Variants in ACKR3 observed in about 807,000 individuals in gnomAD.
ACKR3 encodes the protein C-X-C chemokine receptor type 7.
A neutral mutation model predicts 22.4 loss-of-function variants in ACKR3; 6 were observed. The ratio of observed to expected loss-of-function variants is 0.27; its 90% CI spans 0.15 to 0.53. ACKR3 has a LOEUF of 0.53. Ranked by LOEUF, ACKR3 falls within the 20% of genes least tolerant of loss-of-function variation. The pLI, the probability that ACKR3 is intolerant of heterozygous loss-of-function variation, is 0.96. For missense variants in ACKR3, 396 were observed against 475.2 expected (o/e 0.83, Z 1.55); for synonymous variants, 209 against 205.2 (o/e 1.02, Z -0.16).
the ACKR3 span, among the ~76,000 whole-genome samples, chr2:236,538,921 G>A: frequency 8.5e-5 from 13 of 152,282 alleles, no homozygotes; most frequent in South Asian, 4.1e-4. Context: ...TCTAGCTCAG[G>A]GCAAAGTAGG....
the ACKR3 span, among the ~76,000 whole-genome samples, chr2:236,552,458 T>C: frequency 6.6e-6 from 1 of 152,234 alleles, no homozygotes. Context: ...TTTTGGTGTC[T>C]GTCCTCCCAG....
At chr2:236,539,607 T>C in the ACKR3 span, among the ~76,000 whole-genome samples, 5 of 152,276 alleles carry the variant, frequency 3.3e-5, no homozygotes, top group Non-Finnish European at 7.4e-5. Flanking sequence ...GCATCCGCCT[T>C]GGCCTCCCAA....
the ACKR3 span, among the ~76,000 whole-genome samples, chr2:236,550,327 C>T: frequency 6.6e-6 from 1 of 152,164 alleles, no homozygotes; most frequent in African/African-American, 2.4e-5. The surrounding 1 kb of genome is among the most constrained non-coding windows in gnomAD (Gnocchi z 4.6). Flanking sequence ...GGCAGGGTAC[C>T]CGGCTGCGCA....
At chr2:236,556,973 C>T in the ACKR3 span, among the ~76,000 whole-genome samples, 1 of 152,316 alleles carries the variant, frequency 6.6e-6, no homozygotes, top group African/African-American at 2.4e-5. Context: ...CAGACATGAG[C>T]CACTGCACCC....
At chr2:236,543,979 A>ACC in the ACKR3 span, among the ~76,000 whole-genome samples, 1 of 59,252 alleles carries the variant, frequency 1.7e-5, no homozygotes, top group East Asian at 5.0e-4. Flanking sequence ...ATATATATAT[A>ACC]TATATATATA....
At chr2:236,544,389 C>CG in the ACKR3 span, among the ~76,000 whole-genome samples, 1 of 152,106 alleles carries the variant, frequency 6.6e-6, no homozygotes, top group Non-Finnish European at 1.5e-5. The surrounding 1 kb of genome is among the most constrained non-coding windows in gnomAD (Gnocchi z 5.0). Context: ...CAGGGGTCAT[C>CG]GTATGATCAG....
At chr2:236,559,445 C>G in the ACKR3 span, among the ~76,000 whole-genome samples, 1 of 152,126 alleles carries the variant, frequency 6.6e-6, no homozygotes, top group Non-Finnish European at 1.5e-5. Flanking sequence ...CTCTGCCTGC[C>G]CCAGGGTAAC....
In ACKR3 at chr2:236,580,968, T is replaced by C. The variant is rs142678508; in HGVS notation, c.503T>C (p.Val168Ala). Residue 168 changes from valine (V) to alanine (A), a missense_variant, in exon 2 of 2, where the codon GTG becomes GCG. Physicochemically the swap from Val to Ala is moderately conservative, Grantham distance 64. Transcript: ENST00000272928. ...KMVRRVVCIL[V>A]WLLAFCVSLP... ...GTACGCCGTGTCGTCTGCATCCTGGTGTGGCTGCTGGCCTTCTGCGTGTCT... is the reference window on the plus strand; with the variant it reads ...GTACGCCGTGTCGTCTGCATCCTGGCGTGGCTGCTGGCCTTCTGCGTGTCT... The C allele has an allele frequency of 3.2e-4, 523 of 1,614,158 alleles. 5 individuals carry two copies. The highest frequency in any genetic ancestry group is 1.8e-3 in the South Asian group (167 of 91,066).
chr2:236,573,170 A>G (rs1691343230), intron 1 of ACKR3, among the ~76,000 whole-genome samples: 1 of 152,078 alleles, frequency 6.6e-6, no homozygotes, highest in South Asian at 2.1e-4. Context: ...AAACACACAG[A>G]CACACAGACA....
At chr2:236,571,045 C>T (rs1485390552) in intron 1 of ACKR3, among the ~76,000 whole-genome samples, 1 of 152,040 alleles carries the variant, frequency 6.6e-6, no homozygotes, top group Non-Finnish European at 1.5e-5. Context: ...TTTTAGTGTC[C>T]CTTTATTTAT....
chr2:236,575,861 G>A (rs543148127), intron 1 of ACKR3, among the ~76,000 whole-genome samples: 1 of 152,106 alleles, frequency 6.6e-6, no homozygotes, highest in Non-Finnish European at 1.5e-5. Context: ...GTGTTTGCTC[G>A]TAAATAAATA....
At chr2:236,565,746 C>T (rs965865792), upstream of ACKR3, among the ~76,000 whole-genome samples, 2 of 152,170 alleles carry the variant, frequency 1.3e-5, no homozygotes, top group Non-Finnish European at 2.9e-5. Flanking sequence ...CCCACCCCTA[C>T]AGTGTGTATA....
chr2:236,571,816 G>T (rs1310610987), intron 1 of ACKR3, among the ~76,000 whole-genome samples: 1 of 152,026 alleles, frequency 6.6e-6, no homozygotes, highest in Non-Finnish European at 1.5e-5. Context: ...GAAAGAAAAA[G>T]ACCTCAAAGA....
chr2:236,569,202 G>C (rs1050698101), upstream of ACKR3, among the ~76,000 whole-genome samples: 1 of 152,202 alleles, frequency 6.6e-6, no homozygotes, highest in Non-Finnish European at 1.5e-5. Flanking sequence ...ATCTTGATTA[G>C]AGTCTCAAGG....
chr2:236,558,132 A>T, the ACKR3 span, among the ~76,000 whole-genome samples: 1 of 152,156 alleles, frequency 6.6e-6, no homozygotes, highest in African/African-American at 2.4e-5. Flanking sequence ...GAAAGAACTC[A>T]ACAGTCAGCT....
At chr2:236,561,406 C>T in the ACKR3 span, among the ~76,000 whole-genome samples, 6 of 152,042 alleles carry the variant, frequency 3.9e-5, no homozygotes, top group Non-Finnish European at 5.9e-5. Context: ...TAATTTCCCT[C>T]GGTACTATTT....
chr2:236,575,791 G>T (rs1199362942), intron 1 of ACKR3, among the ~76,000 whole-genome samples: 1 of 152,176 alleles, frequency 6.6e-6, no homozygotes, highest in Non-Finnish European at 1.5e-5. Flanking sequence ...ATTCCAGATG[G>T]CGGAGACACC....
upstream of ACKR3, among the ~76,000 whole-genome samples, chr2:236,566,094 C>A (rs927770696): frequency 6.6e-6 from 1 of 152,196 alleles, no homozygotes; most frequent in Non-Finnish European, 1.5e-5. Context: ...GCCGCTCTGG[C>A]CCGCCAGGAT....
At chr2:236,556,461 T>C in the ACKR3 span, among the ~76,000 whole-genome samples, 1 of 152,042 alleles carries the variant, frequency 6.6e-6, no homozygotes, top group Non-Finnish European at 1.5e-5. Flanking sequence ...GTCACAATGG[T>C]CCTTATATGA....
Sources: allele counts gnomAD v4.1 joint callset (sites outside exome capture counted in the v4.1 genomes callset), GRCh38; gene constraint gnomAD v4.1.1; non-coding constraint Gnocchi (gnomAD v3.1); transcripts MANE v1.5; gene names NCBI Gene and HGNC (gene_info 2026-07-23, HGNC 2026-07-21).